The following RBFOX1 variants were observed in gnomAD, a reference collection of about 807,000 sequenced individuals.
The protein encoded by RBFOX1 is RNA binding protein fox-1 homolog 1.
A neutral mutation model predicts 57.7 loss-of-function variants in RBFOX1; 8 were observed. That is an observed-to-expected ratio of 0.14 (90% confidence interval 0.08 to 0.25). The LOEUF is 0.25. Ranked by LOEUF, RBFOX1 falls within the 10% of genes least tolerant of loss-of-function variation. RBFOX1 has a pLI of 1.00. For synonymous variants in RBFOX1, 326 were observed against 222.4 expected (o/e 1.47, Z -4.15); for missense variants, 611 against 548.5 (o/e 1.11, Z -1.14).
intron 14 of RBFOX1, among the ~76,000 whole-genome samples, chr16:7,696,699 A>G (rs555743426): frequency 1.3e-5 from 2 of 152,148 alleles, no homozygotes; most frequent in Admixed American, 1.3e-4. Context: ...GAATAAGCAG[A>G]TAATATATAT....
chr16:5,540,138 C>T (rs1597450602), intron 2 of RBFOX1, among the ~76,000 whole-genome samples: 2 of 152,116 alleles, frequency 1.3e-5, no homozygotes, highest in South Asian at 2.1e-4. Flanking sequence ...CAAAGGAAGC[C>T]GAAGCCTTTT....
chr16:5,485,357 A>AAAAAAAAAAAAAAAAAAAAAAG (rs2069694791), intron 2 of RBFOX1, among the ~76,000 whole-genome samples: 1 of 150,174 alleles, frequency 6.7e-6, no homozygotes, highest in South Asian at 2.1e-4. Flanking sequence ...AAAAAAAAAA[A>AAAAAAAAAAAAAAAAAAAAAAG]AAAAAAAAAA....
At chr16:7,165,791 G>C (rs879112704) in intron 4 of RBFOX1, among the ~76,000 whole-genome samples, 2 of 151,980 alleles carry the variant, frequency 1.3e-5, no homozygotes, top group Admixed American at 1.3e-4. Context: ...ACTCTGAATA[G>C]GGTGGGGATG....
rs552876798 is a variant in RBFOX1, at chr16:6,751,019, C to A, written c.-16+96369C>A. ...GAAGGATCATTAGAAACAGAAACAG[C>A]ATGTTCAAGGGCCCTGATGTGGGAA... On this transcript the variant is annotated intron_variant, in intron 3 of 15. Coordinates refer to ENST00000550418, the MANE Select transcript of RBFOX1 (RefSeq NM_018723.4). 2.0e-5 allele frequency among the ~76,000 whole-genome samples: 3 copies of A among 152,210 alleles called. No individual in the cohort carries two copies. In the East Asian group the frequency reaches 5.8e-4, roughly 29 times the overall value.
chr16:5,897,470 C>G (rs2058195916), intron 4 of RBFOX1, among the ~76,000 whole-genome samples: 1 of 152,184 alleles, frequency 6.6e-6, no homozygotes, highest in Non-Finnish European at 1.5e-5. Flanking sequence ...TCATGGGAAA[C>G]ATATGAGTAG....
At chr16:5,240,038 A>G in exon 1 of RBFOX1, 1 of 1,531,456 alleles carries the variant, frequency 6.5e-7, no homozygotes. Flanking sequence ...GACTGCGAGG[A>G]CGGGAAGGAC....
chr16:5,345,200 C>T (rs1171132268), intron 1 of RBFOX1, among the ~76,000 whole-genome samples: 3 of 152,164 alleles, frequency 2.0e-5, no homozygotes, highest in Admixed American at 2.0e-4. Flanking sequence ...GAAGCCAGTC[C>T]CTTTCTTTAG....
intron 1 of RBFOX1, among the ~76,000 whole-genome samples, chr16:6,155,503 T>C (rs978662862): frequency 6.6e-6 from 1 of 152,210 alleles, no homozygotes; most frequent in Non-Finnish European, 1.5e-5. Flanking sequence ...AAGGACTTGG[T>C]AATGGGACAA....
At chr16:6,232,134 C>A (rs768687596) in intron 1 of RBFOX1, among the ~76,000 whole-genome samples, 5 of 152,082 alleles carry the variant, frequency 3.3e-5, no homozygotes, top group Non-Finnish European at 7.4e-5. Flanking sequence ...GTATTGAATG[C>A]CTAAGTGCTC....
At chr16:5,564,512 A>G (rs1020693347) in intron 2 of RBFOX1, among the ~76,000 whole-genome samples, 1 of 152,154 alleles carries the variant, frequency 6.6e-6, no homozygotes, top group Non-Finnish European at 1.5e-5. Context: ...AACAAGTTTC[A>G]TAACACGTGT....
At chr16:5,721,709 A>G (rs1000445750) in intron 3 of RBFOX1, among the ~76,000 whole-genome samples, 2 of 152,070 alleles carry the variant, frequency 1.3e-5, no homozygotes, top group Non-Finnish European at 2.9e-5. Flanking sequence ...CTTTCTCTGC[A>G]TCTATTGAAA....
At chr16:6,874,194 C>G (rs1025157811) in intron 3 of RBFOX1, among the ~76,000 whole-genome samples, 6 of 142,428 alleles carry the variant, frequency 4.2e-5, no homozygotes, top group East Asian at 4.2e-4. Flanking sequence ...CACACACAAA[C>G]ACATGCTACT....
At chr16:6,279,931 A>C (rs1250602811) in intron 1 of RBFOX1, among the ~76,000 whole-genome samples, 1 of 152,088 alleles carries the variant, frequency 6.6e-6, no homozygotes, top group Non-Finnish European at 1.5e-5. Flanking sequence ...AGTAAATTGC[A>C]TGCTAATGAA....
intron 4 of RBFOX1, among the ~76,000 whole-genome samples, chr16:7,399,728 C>T (rs1254997610): frequency 1.4e-5 from 1 of 69,800 alleles, no homozygotes; most frequent in Non-Finnish European, 3.3e-5. Context: ...AAGATGACCC[C>T]ATATCAAGAT....
At chr16:6,528,054 C>A (rs750219921) in intron 2 of RBFOX1, among the ~76,000 whole-genome samples, 9 of 152,148 alleles carry the variant, frequency 5.9e-5, no homozygotes, top group Non-Finnish European at 1.0e-4. Context: ...TACATCCTTT[C>A]CACCCTCAAA....
chr16:6,962,733 A>G (rs1222336907), intron 3 of RBFOX1, among the ~76,000 whole-genome samples: 2 of 152,130 alleles, frequency 1.3e-5, no homozygotes, highest in African/African-American at 2.4e-5. Flanking sequence ...GAGCAGTAGC[A>G]TGTGTGTGTA....
Position 6,698,938 on chromosome 16 carries a change from G to A in RBFOX1, c.-16+44288G>A, listed in dbSNP as rs75367967. Among the ~76,000 whole-genome samples the A allele has an allele frequency of 1.8e-3, 278 of 152,262 alleles. 4 individuals are homozygous for A. The East Asian group carries it at 0.029, about 16-fold the overall frequency. ...GAGGCATATTGAATGTGTCCATAGC[G>A]TACGAAGACTCTAGAACAAGGGGTG... On this transcript the variant is annotated intron_variant, in intron 3 of 15. Coordinates refer to ENST00000550418, the MANE Select transcript of RBFOX1 (RefSeq NM_018723.4).
At chr16:5,812,093 C>T (rs913341911) in intron 3 of RBFOX1, among the ~76,000 whole-genome samples, 1 of 152,180 alleles carries the variant, frequency 6.6e-6, no homozygotes, top group Admixed American at 6.5e-5. Flanking sequence ...TTTTCAGGTT[C>T]ACCCACACTG....
intron 1 of RBFOX1, among the ~76,000 whole-genome samples, chr16:6,029,789 A>AG (rs1165385513): frequency 6.6e-6 from 1 of 151,782 alleles, no homozygotes; most frequent in Non-Finnish European, 1.5e-5. Context: ...AAAAAAAAAA[A>AG]AAGGGGAAAG....
Sources: allele counts gnomAD v4.1 joint callset (sites outside exome capture counted in the v4.1 genomes callset), GRCh38; gene constraint gnomAD v4.1.1; transcripts MANE v1.5; gene names NCBI Gene and HGNC (gene_info 2026-07-23, HGNC 2026-07-21).